The following DBN1 variants were observed in gnomAD, a reference collection of about 807,000 sequenced individuals.
The protein encoded by DBN1 is drebrin 1.
A neutral mutation model predicts 83.5 loss-of-function variants in DBN1; 21 were observed. The observed-to-expected ratio is 0.25, with a 90% confidence interval of 0.18 to 0.36. The LOEUF is 0.36. Ranked by LOEUF, DBN1 falls within the 10% of genes least tolerant of loss-of-function variation. The probability of loss-of-function intolerance (pLI) is 1.00; values close to 1 mark genes in which losing one functional copy is unlikely to be tolerated. For missense variants in DBN1, 874 were observed against 935.7 expected, an observed-to-expected ratio of 0.93 and a Z score of 0.86; for synonymous variants, 381 against 384.9, an observed-to-expected ratio of 0.99 and a Z score of 0.12.
At chr5:177,473,009 C>T (rs1417034950) in intron 1 of DBN1, 2 of 214,558 alleles carry the variant, frequency 9.3e-6, no homozygotes, top group Non-Finnish European at 1.6e-5. Context: ...GCGCTGGCTC[C>T]GCTAGCTCGG....
intron 13 of DBN1, 46 bp downstream of exon 13, chr5:177,458,012 G>T: frequency 6.2e-7 from 1 of 1,611,154 alleles, no homozygotes. Context: ...ACCCTGCTCA[G>T]CCCCCACTCC....
chr5:177,463,777 G>C (rs1757212226), intron 8 of DBN1, among the ~76,000 whole-genome samples: 1 of 152,198 alleles, frequency 6.6e-6, no homozygotes, highest in Non-Finnish European at 1.5e-5. Flanking sequence ...AATCAGCTCA[G>C]GGGGTTCACA....
In DBN1 at chr5:177,458,326, T is replaced by G. The variant is rs754930714; in HGVS notation, c.1646A>C (p.Glu549Ala). Residue 549 changes from glutamate (E) to alanine (A), a missense_variant, in exon 13 of 15, where the codon GAG (glutamate) becomes GCG (alanine). By Grantham distance (107) the Glu-to-Ala change is moderately radical. Transcript: ENST00000393565. Reference protein sequence around the residue: ...PRAPTPPSGTEVTLAEVPLLD... With the variant: ...PRAPTPPSGTAVTLAEVPLLD... Reference sequence around the variant, plus strand: ...CAGGGGCACCTCTGCCAGGGTGACCTCAGTACCCGAGGGTGGCGTGGGGGC... The same window carrying G: ...CAGGGGCACCTCTGCCAGGGTGACCGCAGTACCCGAGGGTGGCGTGGGGGC... 6.2e-7 allele frequency: 1 copy of G among 1,613,234 alleles called. No individual in the cohort carries two copies. Among genetic ancestry groups the G allele is most frequent in the East Asian group, 2.2e-5 (1 of 44,862 alleles).
chr5:177,466,350 GGGAGATGCTGCTCCCAA>G lies in DBN1; in HGVS notation c.771+405_771+421del, dbSNP rs1000306866. Among the ~76,000 whole-genome samples, 1 of 152,244 alleles carries G rather than the reference GGGAGATGCTGCTCCCAA, an allele frequency of 6.6e-6. No individual in the cohort carries two copies. Among genetic ancestry groups the G allele is most frequent in the Non-Finnish European group, 1.5e-5 (1 of 68,042 alleles). On this transcript the variant is annotated intron_variant, in intron 8 of 14. Coordinates refer to ENST00000393565, the MANE Select transcript of DBN1 (RefSeq NM_001363541.2). The surrounding 1 kb of genome is among the most constrained non-coding windows in gnomAD (Gnocchi z 4.8). The stretch of plus-strand genomic sequence containing the variant: ...CCCTGGAACAAAGGGGCTGCTCCCA[GGGAGATGCTGCTCCCAA>G]GGAGATGGTACACACTGCCTGCAGA...
rs1471249257 is a variant in DBN1, at chr5:177,459,206, C to G, written c.1156G>C (p.Asp386His). 2 of 1,610,988 alleles carry G rather than the reference C, an allele frequency of 1.2e-6. No homozygotes were observed. The highest frequency in any genetic ancestry group is 1.7e-6 in the Non-Finnish European group (2 of 1,179,004). The change falls in exon 12 of 15, where the codon GAC becomes CAC. Residue 386 changes from aspartate to histidine, a missense_variant. Around this residue, in one of 4 missense-constraint regions of DBN1, gnomAD observed 725 missense variants for 719.7 expected, o/e 1.01. Coordinates refer to ENST00000393565, the MANE Select transcript of DBN1 (RefSeq NM_001363541.2). ...PTPIPTRSPS[D>H]SSTASTPVAE... ...ACAGGGGTGGAGGCGGTGCTGGAGTCAGACGGGCTCCGCGTGGGGATGGGA... is the reference window on the plus strand; with the variant it reads ...ACAGGGGTGGAGGCGGTGCTGGAGTGAGACGGGCTCCGCGTGGGGATGGGA...
intron 14 of DBN1, 36 bp from the exon 15 acceptor site, chr5:177,457,539 A>G (rs1237965604): frequency 6.2e-7 from 1 of 1,602,260 alleles, no homozygotes; most frequent in South Asian, 1.1e-5. Flanking sequence ...TTAGGGACCT[A>G]GCAGACCGCT....
chr5:177,472,559 G>A (rs939238971), intron 1 of DBN1, among the ~76,000 whole-genome samples: 2 of 152,150 alleles, frequency 1.3e-5, no homozygotes, highest in African/African-American at 4.8e-5. Flanking sequence ...GCGGGGTGAG[G>A]GGCGGCCCAG....
intron 2 of DBN1, 37 bp from the exon 3 acceptor site, chr5:177,468,257 C>A: frequency 6.4e-7 from 1 of 1,571,856 alleles, no homozygotes; most frequent in African/African-American, 1.3e-5. Context: ...CTCTCTGCCT[C>A]CTAAACCCTT....
At chr5:177,471,834 CAG>C (rs1169619214) in intron 1 of DBN1, among the ~76,000 whole-genome samples, 1 of 152,040 alleles carries the variant, frequency 6.6e-6, no homozygotes, top group Non-Finnish European at 1.5e-5. Flanking sequence ...TGTGGGGCAA[CAG>C]GGGTTGTGTG....
Position 177,458,673 on chromosome 5 carries a change from C to T in DBN1, c.1299G>A (p.Glu433=). ...TQEPSPILDS[E]ETRAAAPQAW... is the part of the protein sequence containing the mutation. The stretch of plus-strand genomic sequence containing the variant: ...CCTGAGGGGCTGCTGCTCTGGTCTC[C>T]TCACTGTCTAGGATGGGGCTGGGCT... Residue 433 remains glutamate (E), a synonymous_variant, in exon 13 of 15, where the codon GAG becomes GAA. Transcript: ENST00000393565. 1 of 1,563,946 alleles carries T rather than the reference C, an allele frequency of 6.4e-7. No individual in the cohort carries two copies. The highest frequency in any genetic ancestry group is 8.6e-7 in the Non-Finnish European group (1 of 1,158,520).
At chr5:177,461,094 CTTTT>C (rs1212164434) in intron 8 of DBN1, among the ~76,000 whole-genome samples, 5 of 90,690 alleles carry the variant, frequency 5.5e-5, no homozygotes, top group Admixed American at 1.3e-4. Context: ...TTCTGGCCTT[CTTTT>C]TTTTTTTTTT....
At chr5:177,468,946 C>T (rs771939653) in intron 1 of DBN1, 47 bp from the exon 2 acceptor site, 22 of 1,253,066 alleles carry the variant, frequency 1.8e-5, no homozygotes, top group Non-Finnish European at 2.3e-5. Context: ...GCCCAGGCCG[C>T]CAATTCTGGG....
chr5:177,464,994 A>T (rs1005550090), intron 8 of DBN1, among the ~76,000 whole-genome samples: 2 of 152,140 alleles, frequency 1.3e-5, no homozygotes, highest in African/African-American at 4.8e-5. Flanking sequence ...CTCTACTAAA[A>T]ATACAAAAAA....
chr5:177,472,392 C>T (rs1003362827), intron 1 of DBN1: 10 of 1,454,092 alleles, frequency 6.9e-6, no homozygotes, highest in Middle Eastern at 2.1e-4. Flanking sequence ...CAGATGGGCA[C>T]CTTCCCTAGA....
intron 1 of DBN1, 84 bp from the exon 2 acceptor site, chr5:177,468,983 GACATGGAGTGGGT>G: frequency 1.3e-6 from 1 of 794,542 alleles, no homozygotes; most frequent in Non-Finnish European, 1.8e-6. Context: ...GAGGGAGAGG[GACATGGAGTGGGT>G]AGGACAGGAA....
At chr5:177,457,558 C>T in intron 14 of DBN1, 55 bp from the exon 15 acceptor site, 1 of 1,583,266 alleles carries the variant, frequency 6.3e-7, no homozygotes, top group Non-Finnish European at 8.7e-7. Context: ...CTTGTGTCCC[C>T]AGCCTCTGTG....
rs199701494 is a variant in DBN1 at position 177,457,782 on chromosome 5, T to C, written c.1915-25A>G. 2 of 1,486,614 alleles carry C rather than the reference T, an allele frequency of 1.3e-6. No homozygotes were observed. Among genetic ancestry groups the C allele is most frequent in the East Asian group, 2.3e-5 (1 of 43,996 alleles). The allele number at this position is 1,486,614 out of a possible 1,614,324, so 92.1% of individuals were successfully genotyped here. On this transcript the variant is annotated intron_variant, in intron 13 of 14. Coordinates refer to ENST00000393565, the MANE Select transcript of DBN1 (RefSeq NM_001363541.2). ...CCTGCAGGGGAAAGCATCAGGTCAC[T>C]TGGCCCCACCCAGCAGGACTGGGGC...
chr5:177,473,555 C>T lies in DBN1; in HGVS notation c.-34G>A. ...CCGGACCGGGCCGAACGGACAGACG[C>T]GCGGACGGACGGGCGGACGGAGGAG... On this transcript the variant is annotated 5_prime_UTR_variant, in exon 1 of 15. Transcript: ENST00000393565. The T allele has an allele frequency of 7.9e-7, 1 of 1,265,752 alleles. No homozygotes were observed. Among genetic ancestry groups the T allele is most frequent in the South Asian group, 1.8e-5 (1 of 54,160 alleles). The allele number at this position is 1,265,752 out of a possible 1,614,324, so 78.4% of individuals were successfully genotyped here.
chr5:177,472,517 C>A, intron 1 of DBN1: 1 of 817,394 alleles, frequency 1.2e-6, no homozygotes, highest in Non-Finnish European at 1.6e-6. Flanking sequence ...TCCATCCCCT[C>A]CCCCAGCTCA....
Sources: allele counts gnomAD v4.1 joint callset (sites outside exome capture counted in the v4.1 genomes callset), GRCh38; gene constraint gnomAD v4.1.1; regional missense constraint gnomAD v4.1.1; non-coding constraint Gnocchi (gnomAD v3.1); transcripts MANE v1.5; gene names NCBI Gene and HGNC (gene_info 2026-07-23, HGNC 2026-07-21).